SC5D: variants seen among roughly 807,000 people sequenced by gnomAD.
SC5D encodes the protein sterol-C5-desaturase.
SC5D carries 21 observed loss-of-function variants against 23.9 expected under a neutral mutation model. The observed-to-expected ratio is 0.88, with a 90% CI of 0.62 to 1.26. The LOEUF (loss-of-function observed/expected upper bound fraction) is 1.26. Among genes scored for constraint, SC5D ranks in the 50% most tolerant of loss-of-function variants. The pLI is 0.00. For synonymous variants in SC5D, 113 were observed against 125.9 expected, an observed-to-expected ratio of 0.90 and a Z score of 0.68; for missense variants, 309 against 364.8, an observed-to-expected ratio of 0.85 and a Z score of 1.25.
At chr11:121,294,279 G>A (rs986586759) in intron 1 of SC5D, among the ~76,000 whole-genome samples, 1 of 152,146 alleles carries the variant, frequency 6.6e-6, no homozygotes, top group African/African-American at 2.4e-5. Context: ...AATTATATGA[G>A]CTTGTAGAGG....
Position 121,304,430 on chromosome 11 carries a change from C to T in SC5D, c.280C>T (p.Leu94=), listed in dbSNP as rs1479969761. 1.2e-6 allele frequency: 2 copies of T among 1,612,570 alleles called. No homozygotes were observed. Among genetic ancestry groups the T allele is most frequent in the African/African-American group, 1.3e-5 (1 of 74,982 alleles). Reference sequence around the variant, plus strand: ...ATGGATAAGTATTCTTACTGTTGCACTGTTCTTGCTGGAGATAAGAGGTTA... The same window carrying T: ...ATGGATAAGTATTCTTACTGTTGCATTGTTCTTGCTGGAGATAAGAGGTTA... ...LPWISILTVA[L]FLLEIRGYSK... is the part of the protein sequence containing the mutation. Residue 94 remains leucine, a synonymous_variant, in exon 3 of 5, where the codon CTG becomes TTG. Transcript: ENST00000264027.
intron 1 of SC5D, among the ~76,000 whole-genome samples, chr11:121,296,020 C>T (rs1351786595): frequency 2.0e-5 from 3 of 152,136 alleles, no homozygotes; most frequent in African/African-American, 4.8e-5. Flanking sequence ...TGCTTCTCAC[C>T]GATAACCCAT....
chr11:121,304,740 G>A, intron 3 of SC5D: 1 of 405,164 alleles, frequency 2.5e-6, no homozygotes, highest in African/African-American at 2.0e-5. Context: ...ATCAGAGATG[G>A]GTCCTTGCAT....
In SC5D at chr11:121,313,239, A is replaced by G. The variant is rs976490072; in HGVS notation, c.*5727A>G. 4.6e-5 allele frequency among the ~76,000 whole-genome samples: 7 copies of G among 152,330 alleles called. No homozygotes were observed. The highest frequency in any genetic ancestry group is 3.3e-4 in the Admixed American group (5 of 15,300). ...TCTTGTGTTTAGTTTCTTTAGCTTA[A>G]CATGTTTAGAGATATTTGCTGTTGC... On this transcript the variant is annotated 3_prime_UTR_variant, in exon 5 of 5. Transcript: ENST00000264027.
At chr11:121,299,220 A>T (rs776782917) in intron 1 of SC5D, among the ~76,000 whole-genome samples, 23 of 152,242 alleles carry the variant, frequency 1.5e-4, no homozygotes, top group Admixed American at 3.3e-4. Context: ...AAATCTTTTG[A>T]AAAGGTTATC....
At chr11:121,303,743 C>G in intron 2 of SC5D, 158 bp downstream of exon 2, 3 of 613,896 alleles carry the variant, frequency 4.9e-6, no homozygotes, top group Non-Finnish European at 8.6e-6. Context: ...GGGTTAATCC[C>G]TGCTCTCCTT....
intron 1 of SC5D, among the ~76,000 whole-genome samples, chr11:121,302,824 A>G (rs567993064): frequency 6.6e-6 from 1 of 152,300 alleles, no homozygotes; most frequent in East Asian, 1.9e-4. Context: ...TGTTCTGTCA[A>G]TGGGAGTGTC....
rs779264107 is a variant in SC5D at position 121,312,562 on chromosome 11, C to T, written c.*5050C>T. Among the ~76,000 whole-genome samples the T allele has an allele frequency of 3.9e-5, 6 of 152,050 alleles. No homozygotes were observed. Among genetic ancestry groups the T allele is most frequent in the African/African-American group, 9.7e-5 (4 of 41,418 alleles). On this transcript the variant is annotated 3_prime_UTR_variant, in exon 5 of 5. Coordinates refer to ENST00000264027, the MANE Select transcript of SC5D (RefSeq NM_006918.5). ...ATTTTTCTAAACACTTCACAACTCACGATTCAAACAAAGACAAAATAGCAT... is the reference window on the plus strand; with the variant it reads ...ATTTTTCTAAACACTTCACAACTCATGATTCAAACAAAGACAAAATAGCAT...
rs536530668 is a variant in SC5D at position 121,306,162 on chromosome 11, C to T, written c.344-224C>T. 2.7e-5 allele frequency: 14 copies of T among 517,762 alleles called. No individual in the cohort carries two copies. The East Asian group carries it at 4.2e-4, about 16-fold the overall frequency. 32.1% of individuals were successfully genotyped at this position (517,762 alleles called of 1,614,324 possible). On this transcript the variant is annotated intron_variant, in intron 3 of 4. Transcript: ENST00000264027. The stretch of plus-strand genomic sequence containing the variant: ...ATCTTTATAGTTTAATTAAGAAGTA[C>T]TTTAGGTAGAACATTTCAAGTACTT...
At position 121,312,873 on chromosome 11, in the gene SC5D, G is replaced by A. The variant is rs1299255098; in HGVS notation, c.*5361G>A. 1.3e-5 allele frequency among the ~76,000 whole-genome samples: 2 copies of A among 152,126 alleles called. No individual in the cohort carries two copies. The highest frequency in any genetic ancestry group is 2.9e-5 in the Non-Finnish European group (2 of 68,010). ...ACAAATAGAAACCTAGAAATTTAGT[G>A]CATATTCAAATATTAAGACAGACAC... On this transcript the variant is annotated 3_prime_UTR_variant, in exon 5 of 5. Transcript: ENST00000264027.
At chr11:121,306,246 A>G in intron 3 of SC5D, 140 bp from the exon 4 acceptor site, 1 of 672,106 alleles carries the variant, frequency 1.5e-6, no homozygotes, top group Non-Finnish European at 2.7e-6. Flanking sequence ...TTAGTTTATA[A>G]TATACTGAAT....
chr11:121,306,407 G>A lies in SC5D; in HGVS notation c.365G>A (p.Ser122Asn). The change falls in exon 4 of 5, where the codon AGT (serine) becomes AAT (asparagine). Residue 122 changes from serine (S) to asparagine (N), a missense_variant. Coordinates refer to ENST00000264027, the MANE Select transcript of SC5D (RefSeq NM_006918.5). ...FPYGLFELVV[S>N]IISFLFFTDM... ...CTAGGATTGTTTGAACTTGTCGTTA[G>A]TATAATATCTTTCCTCTTTTTCACT... 3.2e-6 allele frequency: 5 copies of A among 1,570,828 alleles called. No individual in the cohort carries two copies. The highest frequency in any genetic ancestry group is 4.4e-6 in the Non-Finnish European group (5 of 1,140,790).
intron 1 of SC5D, among the ~76,000 whole-genome samples, chr11:121,298,139 A>G (rs1947901621): frequency 5.8e-5 from 2 of 34,658 alleles, no homozygotes; most frequent in South Asian, 3.2e-3. Context: ...AGCTGGGACC[A>G]CAGGGCTGTG....
At chr11:121,299,353 G>A (rs1204762428) in intron 1 of SC5D, among the ~76,000 whole-genome samples, 1 of 152,052 alleles carries the variant, frequency 6.6e-6, no homozygotes, top group Non-Finnish European at 1.5e-5. Flanking sequence ...AACATTTATT[G>A]CGTGTATGTA....
At chr11:121,303,177 A>T (rs1055600664) in intron 1 of SC5D, among the ~76,000 whole-genome samples, 189 bp from the exon 2 acceptor site, 1 of 152,140 alleles carries the variant, frequency 6.6e-6, no homozygotes, top group African/African-American at 2.4e-5. Context: ...GTATGAAGAG[A>T]TTGGACTAGA....
intron 3 of SC5D, 66 bp downstream of exon 3, chr11:121,304,559 C>T: frequency 1.5e-6 from 2 of 1,353,576 alleles, no homozygotes; most frequent in Non-Finnish European, 2.1e-6. Flanking sequence ...CTTAAAAAAA[C>T]AAGTCTGCCC....
chr11:121,312,761 T>C lies in SC5D; in HGVS notation c.*5249T>C, dbSNP rs1410310627. Among the ~76,000 whole-genome samples the C allele has an allele frequency of 6.6e-6, 1 of 151,862 alleles. No individual in the cohort carries two copies. Among genetic ancestry groups the C allele is most frequent in the Non-Finnish European group, 1.5e-5 (1 of 67,934 alleles). ...ATCTCTAAAAATAAAAAAGTATATA[T>C]ATATAAAAATATCTTCCTCTATTAT... On this transcript the variant is annotated 3_prime_UTR_variant, in exon 5 of 5. Coordinates refer to ENST00000264027, the MANE Select transcript of SC5D (RefSeq NM_006918.5).
In SC5D at chr11:121,308,735, A is replaced by G. The variant is rs886047856; in HGVS notation, c.*1223A>G. 6.6e-6 allele frequency: 1 copy of G among 152,660 alleles called. No individual in the cohort carries two copies. The highest frequency in any genetic ancestry group is 1.5e-5 in the Non-Finnish European group (1 of 68,042). 9.5% of individuals were successfully genotyped at this position (152,660 alleles called of 1,614,324 possible). A position where few individuals can be genotyped will look rare whatever the true frequency, so the allele number is the denominator to read the frequency against. On this transcript the variant is annotated 3_prime_UTR_variant, in exon 5 of 5. Coordinates refer to ENST00000264027, the MANE Select transcript of SC5D (RefSeq NM_006918.5). ...ATGTGGATTGTTAATTGTGTTTTAGAACATCCCCGGACACTCAGTGTCACA... is the reference window on the plus strand; with the variant it reads ...ATGTGGATTGTTAATTGTGTTTTAGGACATCCCCGGACACTCAGTGTCACA...
Position 121,312,334 on chromosome 11 carries a change from A to C in SC5D, c.*4822A>C, listed in dbSNP as rs1469166284. Among the ~76,000 whole-genome samples the C allele has an allele frequency of 2.0e-5, 3 of 152,214 alleles. No homozygotes were observed. The highest frequency in any genetic ancestry group is 4.4e-5 in the Non-Finnish European group (3 of 68,008). On this transcript the variant is annotated 3_prime_UTR_variant, in exon 5 of 5. Transcript: ENST00000264027. ...AAAATACAGCATTTTTAAATCTCTA[A>C]GCTCAACTTGAAGATATAAGAACAG...
Sources: allele counts gnomAD v4.1 joint callset (sites outside exome capture counted in the v4.1 genomes callset), GRCh38; gene constraint gnomAD v4.1.1; transcripts MANE v1.5; gene names NCBI Gene and HGNC (gene_info 2026-07-23, HGNC 2026-07-21).